Variants in ARSK observed in about 807,000 individuals in gnomAD.
ARSK encodes the protein arylsulfatase K.
In ARSK, 37 loss-of-function variants were observed where a neutral mutation model predicts 53.2. That is an observed-to-expected ratio of 0.70 (90% CI 0.54 to 0.92). The LOEUF is 0.92. Among genes scored for constraint, ARSK ranks in the 40% least tolerant of loss-of-function variants. The pLI, the probability that ARSK is intolerant of heterozygous loss-of-function variation, is 0.00. For missense variants in ARSK, 613 were observed against 643.0 expected (o/e 0.95, Z 0.51); for synonymous variants, 208 against 223.2 (o/e 0.93, Z 0.61).
At chr5:95,600,249 G>A (rs1274379952) in intron 6 of ARSK, among the ~76,000 whole-genome samples, 2 of 152,096 alleles carry the variant, frequency 1.3e-5, no homozygotes, top group African/African-American at 4.8e-5. Context: ...AAAAAGCTCT[G>A]TTATCACATA....
At chr5:95,596,345 G>T (rs113543053) in intron 6 of ARSK, among the ~76,000 whole-genome samples, 343 of 152,176 alleles carry the variant, frequency 2.3e-3, no homozygotes, top group African/African-American at 7.9e-3. Flanking sequence ...TCTATTCTTA[G>T]AGCTCTCAAA....
Position 95,591,383 on chromosome 5 carries a change from T to A in ARSK, c.872-18T>A, listed in dbSNP as rs768270373. On this transcript the variant is annotated intron_variant, in intron 5 of 7. Coordinates refer to ENST00000380009, the MANE Select transcript of ARSK (RefSeq NM_198150.3). ...TGAACTGAAAGTTTTAATCGGTTTA[T>A]CATGATTTCTATTGTAGGTGAAATT... is the stretch of plus-strand genomic sequence containing the variant. 1.3e-6 allele frequency: 2 copies of A among 1,578,322 alleles called. No homozygotes were observed. Among genetic ancestry groups the A allele is most frequent in the Non-Finnish European group, 1.7e-6 (2 of 1,147,608 alleles).
At chr5:95,559,674 T>C (rs966139126) in intron 1 of ARSK, among the ~76,000 whole-genome samples, 2 of 152,172 alleles carry the variant, frequency 1.3e-5, no homozygotes, top group East Asian at 1.9e-4. Context: ...ACAATCCTTA[T>C]GCATTCAACT....
rs116638658 is a variant in ARSK at position 95,599,411 on chromosome 5, C to T, written c.1097-1436C>T. 3.7e-3 allele frequency among the ~76,000 whole-genome samples: 556 copies of T among 152,184 alleles called. 5 individuals are homozygous for T. Among genetic ancestry groups the T allele is most frequent in the South Asian group, 0.011 (53 of 4,816 alleles). On this transcript the variant is annotated intron_variant, in intron 6 of 7. Coordinates refer to ENST00000380009, the MANE Select transcript of ARSK (RefSeq NM_198150.3). ...CTTAAAGACTACTTCTCTCTCTTCC[C>T]ATGCCTTGCTGGTGGTGCCTCCTGA...
At chr5:95,602,737 A>G (rs1283666225) in intron 7 of ARSK, among the ~76,000 whole-genome samples, 1 of 152,138 alleles carries the variant, frequency 6.6e-6, no homozygotes, top group African/African-American at 2.4e-5. Context: ...GTTCAAATGG[A>G]CAGTACTGAT....
At chr5:95,561,664 T>C (rs1157131011) in intron 1 of ARSK, among the ~76,000 whole-genome samples, 1 of 152,230 alleles carries the variant, frequency 6.6e-6, no homozygotes, top group Non-Finnish European at 1.5e-5. Flanking sequence ...TATTGTATGA[T>C]TCCATTCATA....
At chr5:95,597,540 C>T (rs1749330560) in intron 6 of ARSK, among the ~76,000 whole-genome samples, 1 of 152,164 alleles carries the variant, frequency 6.6e-6, no homozygotes, top group Admixed American at 6.5e-5. Context: ...TACTCGTTAC[C>T]AACTGCGTAA....
chr5:95,580,709 C>T (rs2112430903), intron 3 of ARSK, among the ~76,000 whole-genome samples: 1 of 152,182 alleles, frequency 6.6e-6, no homozygotes, highest in Non-Finnish European at 1.5e-5. Context: ...TGGGCTGGCC[C>T]AGGAAGTAGT....
At chr5:95,600,084 T>C (rs1426804438) in intron 6 of ARSK, among the ~76,000 whole-genome samples, 3 of 152,212 alleles carry the variant, frequency 2.0e-5, no homozygotes, top group Non-Finnish European at 4.4e-5. Flanking sequence ...TTTAAAAGTA[T>C]AAGCTATTTT....
chr5:95,595,299 G>C (rs970356936), intron 6 of ARSK, among the ~76,000 whole-genome samples: 1 of 152,150 alleles, frequency 6.6e-6, no homozygotes, highest in African/African-American at 2.4e-5. Flanking sequence ...ACTTAAAACA[G>C]AGCTACCATT....
At chr5:95,583,390 G>A (rs556133901) in intron 4 of ARSK, among the ~76,000 whole-genome samples, 192 bp downstream of exon 4, 1 of 152,134 alleles carries the variant, frequency 6.6e-6, no homozygotes. Flanking sequence ...TCAGAAGCCT[G>A]CTTCTGGATT....
At chr5:95,566,245 TA>T (rs966000474) in intron 2 of ARSK, 118 bp downstream of exon 2, 1 of 1,290,216 alleles carries the variant, frequency 7.8e-7, no homozygotes, top group African/African-American at 1.6e-5. Context: ...AAAATTGTTT[TA>T]ATATAAAAGA....
chr5:95,590,308 C>T (rs2112440440), intron 5 of ARSK, among the ~76,000 whole-genome samples: 1 of 152,242 alleles, frequency 6.6e-6, no homozygotes, highest in African/African-American at 2.4e-5. Flanking sequence ...TTAGGAGGTT[C>T]TGAGCAGGTT....
intron 5 of ARSK, among the ~76,000 whole-genome samples, chr5:95,589,425 T>C (rs1249318899): frequency 1.3e-5 from 2 of 152,206 alleles, no homozygotes; most frequent in Non-Finnish European, 2.9e-5. Context: ...CTATTTTTCC[T>C]AATGCTCTCC....
intron 1 of ARSK, among the ~76,000 whole-genome samples, chr5:95,564,260 G>A (rs910724118): frequency 2.6e-5 from 4 of 152,310 alleles, no homozygotes; most frequent in African/African-American, 7.2e-5. Flanking sequence ...TTACAGGCAT[G>A]AGCCACTGTG....
chr5:95,555,233 G>A lies in ARSK; in HGVS notation c.-46G>A, dbSNP rs1327654403. ...GCTCTGCTAGGGAGAGAACGCCAGA[G>A]GGAGGCGGCTGGCCCGGCGGCAGGC... On this transcript the variant is annotated 5_prime_UTR_variant, in exon 1 of 8. Coordinates refer to ENST00000380009, the MANE Select transcript of ARSK (RefSeq NM_198150.3). The surrounding 1 kb of genome is among the most constrained non-coding windows in gnomAD (Gnocchi z 4.0). 1 of 1,538,332 alleles carries A rather than the reference G, an allele frequency of 6.5e-7. No individual in the cohort carries two copies. Among genetic ancestry groups the A allele is most frequent in the Non-Finnish European group, 8.8e-7 (1 of 1,140,620 alleles).
At chr5:95,593,129 C>T (rs1480569045) in intron 6 of ARSK, among the ~76,000 whole-genome samples, 1 of 151,612 alleles carries the variant, frequency 6.6e-6, no homozygotes, top group African/African-American at 2.4e-5. Context: ...AATTTCCTTC[C>T]TTAATTTTTC....
At chr5:95,580,109 T>G (rs886364493) in intron 3 of ARSK, among the ~76,000 whole-genome samples, 2 of 152,188 alleles carry the variant, frequency 1.3e-5, no homozygotes, top group African/African-American at 4.8e-5. Flanking sequence ...AAATTTATAT[T>G]GAGAACAGCC....
At position 95,573,501 on chromosome 5, in the gene ARSK, G is replaced by A. The variant is rs1748869570; in HGVS notation, c.416+5452G>A. Among the ~76,000 whole-genome samples the A allele has an allele frequency of 2.6e-5, 4 of 152,262 alleles. No individual in the cohort carries two copies. In the South Asian group the frequency reaches 6.2e-4, roughly 24 times the overall value. On this transcript the variant is annotated intron_variant, in intron 3 of 7. Coordinates refer to ENST00000380009, the MANE Select transcript of ARSK (RefSeq NM_198150.3). ...GTGCCAGACATTATTTTTAGATGAT[G>A]CAAATACAATAGCAATCACAGCACA...
Sources: allele counts gnomAD v4.1 joint callset (sites outside exome capture counted in the v4.1 genomes callset), GRCh38; gene constraint gnomAD v4.1.1; non-coding constraint Gnocchi (gnomAD v3.1); transcripts MANE v1.5; gene names NCBI Gene and HGNC (gene_info 2026-07-23, HGNC 2026-07-21).